Variants in TSNARE1 observed in about 807,000 individuals in gnomAD.
TSNARE1 encodes the protein t-SNARE domain-containing protein 1.
Under a neutral mutation model 62.0 loss-of-function variants are expected in TSNARE1, and 49 were observed. The ratio of observed to expected loss-of-function variants is 0.79; its 90% CI spans 0.63 to 1.00. The LOEUF (loss-of-function observed/expected upper bound fraction) is 1.00. TSNARE1 is among the 50% of genes least tolerant of loss of function. TSNARE1 has a pLI of 0.00. For synonymous variants in TSNARE1, 328 were observed against 294.4 expected (o/e 1.11, Z -1.17); for missense variants, 755 against 700.1 (o/e 1.08, Z -0.88).
upstream of TSNARE1, chr8:142,406,331 G>C (rs1408574904): frequency 1.3e-5 from 2 of 152,258 alleles, no homozygotes; most frequent in Non-Finnish European, 1.5e-5. Flanking sequence ...TAGCTGATTT[G>C]GGCTCCTAAG....
intron 2 of TSNARE1, 113 bp from the exon 3 acceptor site, chr8:142,346,005 G>T: frequency 5.3e-6 from 7 of 1,311,976 alleles, no homozygotes; most frequent in Non-Finnish European, 6.3e-6. Flanking sequence ...TCCACTCAGG[G>T]CTCCTCCTCC....
rs548844873 is a variant in TSNARE1 at position 142,319,332 on chromosome 8, C to A, written c.894-698G>T. On this transcript the variant is annotated intron_variant, in intron 6 of 13. Coordinates refer to ENST00000524325, the MANE Select transcript of TSNARE1 (RefSeq NM_145003.5). The surrounding 1 kb of genome is among the most constrained non-coding windows in gnomAD (Gnocchi z 4.9). ...CCCCCCTGCACACCTCTGAGGGGTGCACACCTCTGAGGGGCCCCGGGTGAG... is the reference window on the plus strand; with the variant it reads ...CCCCCCTGCACACCTCTGAGGGGTGAACACCTCTGAGGGGCCCCGGGTGAG... Among the ~76,000 whole-genome samples the A allele has an allele frequency of 6.6e-6, 1 of 152,038 alleles. No individual in the cohort carries two copies. The highest frequency in any genetic ancestry group is 6.5e-5 in the Admixed American group (1 of 15,270).
rs534399391 is a variant in TSNARE1, at chr8:142,274,334, T to A, written c.1446+447A>T. The A allele has an allele frequency of 2.6e-5, 26 of 985,368 alleles. No homozygotes were observed. In the South Asian group the frequency reaches 1.2e-3, roughly 46 times the overall value. The allele number at this position is 985,368 out of a possible 1,614,324, so 61.0% of individuals were successfully genotyped here. A position where few individuals can be genotyped will look rare whatever the true frequency, so the allele number is the denominator to read the frequency against. ...GGCTAGTCCTCAAGGTAGCTCCAAGTCCCACTTCAAGAAAATAAAGGCCTG... is the reference window on the plus strand; with the variant it reads ...GGCTAGTCCTCAAGGTAGCTCCAAGACCCACTTCAAGAAAATAAAGGCCTG... On this transcript the variant is annotated intron_variant, in intron 12 of 13. Transcript: ENST00000524325.
intron 6 of TSNARE1, among the ~76,000 whole-genome samples, chr8:142,327,425 G>A (rs954364424): frequency 1.3e-5 from 2 of 151,404 alleles, no homozygotes; most frequent in Admixed American, 6.6e-5. Context: ...TGAGGGGCAC[G>A]GTTCTGCACA....
chr8:142,284,912 A>G (rs1032738357), intron 10 of TSNARE1, among the ~76,000 whole-genome samples: 2 of 152,218 alleles, frequency 1.3e-5, no homozygotes, highest in African/African-American at 2.4e-5. Context: ...TAGGGCAGAT[A>G]TACCATCCCC....
chr8:142,229,288 GGATA>G (rs1563762663), intron 13 of TSNARE1, among the ~76,000 whole-genome samples, 181 bp downstream of exon 13: 2 of 151,478 alleles, frequency 1.3e-5, no homozygotes, highest in African/African-American at 4.9e-5. Context: ...GATGGCAGAT[GGATA>G]GATGGATGGA....
chr8:142,328,067 G>A (rs1047829695), intron 6 of TSNARE1, among the ~76,000 whole-genome samples: 8 of 151,572 alleles, frequency 5.3e-5, no homozygotes, highest in Non-Finnish European at 1.0e-4. Flanking sequence ...CAAGGGGAGC[G>A]GGTCCTCTGT....
chr8:142,350,356 T>A (rs1236795652), intron 2 of TSNARE1, among the ~76,000 whole-genome samples: 1 of 152,164 alleles, frequency 6.6e-6, no homozygotes, highest in Non-Finnish European at 1.5e-5. Flanking sequence ...AACATTTAGA[T>A]AAAACAGTCG....
intron 1 of TSNARE1, among the ~76,000 whole-genome samples, chr8:142,361,842 G>A (rs938274487): frequency 3.3e-5 from 5 of 152,206 alleles, no homozygotes; most frequent in African/African-American, 1.2e-4. Flanking sequence ...TCAGTGGCCA[G>A]ACCACAGCCA....
chr8:142,390,572 A>G lies in TSNARE1; in HGVS notation c.-40+12532T>C, dbSNP rs80268535. Among the ~76,000 whole-genome samples, 16 of 40,240 alleles carry G rather than the reference A, an allele frequency of 4.0e-4. No individual in the cohort carries two copies. In the South Asian group the frequency reaches 4.5e-3, roughly 11 times the overall value. 26.4% of individuals were successfully genotyped at this position (40,240 alleles called of 152,430 possible). A position where few individuals can be genotyped will look rare whatever the true frequency, so the allele number is the denominator to read the frequency against. Reference sequence around the variant, plus strand: ...CTCTGTAACAGACGCTGTACACTGCAGGGGACTCTATAGCAGACGCTGTAC... The same window carrying G: ...CTCTGTAACAGACGCTGTACACTGCGGGGGACTCTATAGCAGACGCTGTAC... On this transcript the variant is annotated intron_variant, in intron 1 of 13. Coordinates refer to ENST00000524325, the MANE Select transcript of TSNARE1 (RefSeq NM_145003.5).
intron 11 of TSNARE1, 158 bp from the exon 12 acceptor site, chr8:142,275,021 G>A: frequency 1.0e-6 from 1 of 985,460 alleles, no homozygotes; most frequent in Non-Finnish European, 1.2e-6. Context: ...CGTGCCGAGG[G>A]CTCCGCGTGG....
At chr8:142,324,421 C>T (rs1271153406) in intron 6 of TSNARE1, among the ~76,000 whole-genome samples, 1 of 152,170 alleles carries the variant, frequency 6.6e-6, no homozygotes, top group Non-Finnish European at 1.5e-5. Context: ...CCGTTGCTGC[C>T]AGCAGTCAGG....
rs373268107 is a variant in TSNARE1 at position 142,344,226 on chromosome 8, C to T, written c.485G>A (p.Arg162His). The T allele has an allele frequency of 6.8e-6, 11 of 1,613,226 alleles. No homozygotes were observed. Among genetic ancestry groups the T allele is most frequent in the Non-Finnish European group, 8.5e-6 (10 of 1,179,738 alleles). ...GGCCTGCAGGATGCGGCTCCACACGCGGTACCTGCGAGTGGGCTCGGCCTT... is the reference window on the plus strand; with the variant it reads ...GGCCTGCAGGATGCGGCTCCACACGTGGTACCTGCGAGTGGGCTCGGCCTT... Reference protein sequence around the residue: ...LLKAEPTRRYRVWSRILQAVN... With the variant: ...LLKAEPTRRYHVWSRILQAVN... The change falls in exon 4 of 14, where the codon CGC becomes CAC. Residue 162 changes from arginine to histidine, a missense_variant. Coordinates refer to ENST00000524325, the MANE Select transcript of TSNARE1 (RefSeq NM_145003.5).
Position 142,344,349 on chromosome 8 carries a change from G to A in TSNARE1, c.362C>T (p.Ala121Val), listed in dbSNP as rs763941944. The change falls in exon 4 of 14, where the codon GCC (alanine) becomes GTC (valine). Residue 121 changes from alanine to valine, a missense_variant. By Grantham distance (64) the Ala-to-Val change is moderately conservative. Transcript: ENST00000524325. The part of the protein sequence containing the change: ...GRMAGPSTTR[A>V]KKRKPNFCPQ... ...GCAGAAGTTGGGCTTCCTCTTCTTG[G>A]CCCGGGTAGTGCTGGGCCCCGCCAT... The A allele has an allele frequency of 6.3e-7, 1 of 1,575,400 alleles. No homozygotes were observed. The highest frequency in any genetic ancestry group is 8.6e-7 in the Non-Finnish European group (1 of 1,160,534).
chr8:142,271,833 G>C, intron 12 of TSNARE1: 1 of 508,486 alleles, frequency 2.0e-6, no homozygotes, highest in Non-Finnish European at 3.1e-6. Flanking sequence ...GTCTGCAGTG[G>C]GAGTTGCACC....
At chr8:142,276,368 T>TC in intron 11 of TSNARE1, 1 of 985,120 alleles carries the variant, frequency 1.0e-6, no homozygotes, top group Non-Finnish European at 1.2e-6. Flanking sequence ...GTGTGACGGA[T>TC]CCCCCCACAA....
At chr8:142,275,387 C>T (rs534356159) in intron 11 of TSNARE1, 7 of 985,330 alleles carry the variant, frequency 7.1e-6, no homozygotes, top group East Asian at 1.1e-4. Flanking sequence ...TGCTGCCGTG[C>T]GGGGATCACG....
intron 6 of TSNARE1, chr8:142,326,024 C>T (rs1018591736): frequency 2.6e-5 from 4 of 151,754 alleles, no homozygotes; most frequent in African/African-American, 1.1e-4. Flanking sequence ...AAGGGGAGGG[C>T]CCTGGAGAGC....
At position 142,397,870 on chromosome 8, in the gene TSNARE1, C is replaced by T. The variant is rs552967283; in HGVS notation, c.-40+5234G>A. Reference sequence around the variant, plus strand: ...CACAGTGCCAAGGCATGGAGCCTGGCCCCTGCAGGCTCCAGACACAGGCCC... The same window carrying T: ...CACAGTGCCAAGGCATGGAGCCTGGTCCCTGCAGGCTCCAGACACAGGCCC... On this transcript the variant is annotated intron_variant, in intron 1 of 13. Coordinates refer to ENST00000524325, the MANE Select transcript of TSNARE1 (RefSeq NM_145003.5). Among the ~76,000 whole-genome samples the T allele has an allele frequency of 5.3e-5, 8 of 152,276 alleles. No homozygotes were observed. In the South Asian group the frequency reaches 1.7e-3, roughly 32 times the overall value.
Sources: gnomAD v4.1 joint callset for allele counts (sites outside exome capture counted in the v4.1 genomes callset) on GRCh38, gnomAD v4.1.1 for gene constraint, Gnocchi (gnomAD v3.1) non-coding constraint, MANE v1.5 for transcripts, NCBI Gene and HGNC (gene_info 2026-07-23, HGNC 2026-07-21) for gene names.